AGBL4: variants seen among roughly 807,000 people sequenced by gnomAD.
AGBL4 encodes the protein AGBL carboxypeptidase 4.
A neutral mutation model predicts 66.4 loss-of-function variants in AGBL4; 58 were observed. That is an observed-to-expected ratio of 0.87 (90% CI 0.71 to 1.09). The LOEUF is 1.09. Ranked by LOEUF, AGBL4 falls within the 50% of genes least tolerant of loss-of-function variation. The pLI is 0.00. For synonymous variants in AGBL4, 234 were observed against 222.9 expected (o/e 1.05, Z -0.44); for missense variants, 579 against 631.0 (o/e 0.92, Z 0.88).
intron 1 of AGBL4, among the ~76,000 whole-genome samples, chr1:49,873,468 G>A (rs1646888178): frequency 6.6e-6 from 1 of 151,966 alleles, no homozygotes; most frequent in South Asian, 2.1e-4. Flanking sequence ...AAATTAAGCT[G>A]AAAACCGAGT....
chr1:48,821,372 AG>A (rs1646308589), intron 6 of AGBL4, among the ~76,000 whole-genome samples: 1 of 152,230 alleles, frequency 6.6e-6, no homozygotes, highest in South Asian at 2.1e-4. Flanking sequence ...GGCTGGATAA[AG>A]AAAATGTGGT....
intron 5 of AGBL4, among the ~76,000 whole-genome samples, chr1:48,936,749 T>C (rs1202193035): frequency 1.3e-5 from 2 of 152,220 alleles, no homozygotes; most frequent in Non-Finnish European, 2.9e-5. Flanking sequence ...TCTTTTTCCT[T>C]TATTTATTTC....
intron 3 of AGBL4, among the ~76,000 whole-genome samples, chr1:49,417,530 G>T (rs192426445): frequency 6.6e-6 from 1 of 152,152 alleles, no homozygotes; most frequent in Admixed American, 6.5e-5. Context: ...TGCAAGGGAG[G>T]GCTAAAGTGG....
At chr1:49,086,705 T>G (rs545547758) in intron 4 of AGBL4, among the ~76,000 whole-genome samples, 2 of 151,946 alleles carry the variant, frequency 1.3e-5, no homozygotes, top group African/African-American at 4.8e-5. Context: ...TGTAGCCAGA[T>G]GGGCCACACC....
intron 4 of AGBL4, among the ~76,000 whole-genome samples, chr1:49,225,634 T>C (rs1649854671): frequency 1.3e-5 from 2 of 152,216 alleles, no homozygotes; most frequent in African/African-American, 4.8e-5. Context: ...ATTCTTACAT[T>C]GGCACGGCTC....
At chr1:49,188,961 G>T (rs1407820076) in intron 4 of AGBL4, among the ~76,000 whole-genome samples, 1 of 152,156 alleles carries the variant, frequency 6.6e-6, no homozygotes, top group Non-Finnish European at 1.5e-5. Context: ...TCAACTGGCA[G>T]TTGCTTTCTA....
chr1:48,871,770 T>C (rs1157516584), intron 5 of AGBL4, among the ~76,000 whole-genome samples: 1 of 152,076 alleles, frequency 6.6e-6, no homozygotes, highest in Non-Finnish European at 1.5e-5. Flanking sequence ...TAGTGGATGC[T>C]TGAGGAATTG....
intron 1 of AGBL4, among the ~76,000 whole-genome samples, chr1:49,892,569 C>T (rs1048679678): frequency 6.6e-6 from 1 of 152,028 alleles, no homozygotes; most frequent in African/African-American, 2.4e-5. Flanking sequence ...ATCACTGTAC[C>T]TTCTATGCTT....
intron 3 of AGBL4, among the ~76,000 whole-genome samples, chr1:49,319,970 C>T (rs78728032): frequency 0.025 from 3,784 of 152,198 alleles, 70 homozygotes; most frequent in Non-Finnish European, 0.035. Flanking sequence ...ACTCTGCTGT[C>T]CAGGCTAGAG....
chr1:49,476,827 G>T (rs897028356), intron 3 of AGBL4, among the ~76,000 whole-genome samples: 5 of 152,034 alleles, frequency 3.3e-5, no homozygotes, highest in Non-Finnish European at 5.9e-5. Flanking sequence ...CCTGAGGGTT[G>T]CTCAGTACAC....
At chr1:49,499,668 C>T (rs1012804840) in intron 3 of AGBL4, among the ~76,000 whole-genome samples, 3 of 151,786 alleles carry the variant, frequency 2.0e-5, no homozygotes, top group African/African-American at 7.3e-5. Context: ...CAATTCCATA[C>T]AAGTTGTTGT....
intron 2 of AGBL4, among the ~76,000 whole-genome samples, chr1:49,738,501 G>A (rs1321809474): frequency 6.6e-6 from 1 of 152,220 alleles, no homozygotes; most frequent in East Asian, 1.9e-4. Context: ...CAAACAAAAG[G>A]CAGCAGAAAC....
chr1:48,735,526 GT>G (rs1235804352), intron 6 of AGBL4, among the ~76,000 whole-genome samples: 3 of 138,394 alleles, frequency 2.2e-5, no homozygotes, highest in African/African-American at 9.2e-5. Flanking sequence ...AAGGAAGGAA[GT>G]AAGGAAGGAA....
chr1:49,152,952 G>A (rs1646366060), intron 4 of AGBL4, among the ~76,000 whole-genome samples: 1 of 152,160 alleles, frequency 6.6e-6, no homozygotes. Context: ...ACTGCTCTGA[G>A]TGTCTGCCTC....
chr1:48,687,195 G>A (rs923114951), intron 6 of AGBL4, among the ~76,000 whole-genome samples: 24 of 152,152 alleles, frequency 1.6e-4, no homozygotes, highest in Non-Finnish European at 2.5e-4. Flanking sequence ...GAGAGACAGC[G>A]CCGCAGGCAC....
chr1:49,150,011 TCACATGAGGTCTATAAATATAGA>T (rs1189036980), intron 4 of AGBL4, among the ~76,000 whole-genome samples: 3 of 152,332 alleles, frequency 2.0e-5, no homozygotes, highest in African/African-American at 7.2e-5. Context: ...TTCATGGACC[TCACATGAGGTCTATAAATATAGA>T]CACATGAGGT....
intron 3 of AGBL4, among the ~76,000 whole-genome samples, chr1:49,328,703 C>G (rs1001122994): frequency 2.6e-5 from 4 of 152,192 alleles, no homozygotes; most frequent in African/African-American, 9.6e-5. Context: ...AGTCCATGTG[C>G]TTACCTATCT....
Position 49,209,947 on chromosome 1 carries a change from A to G in AGBL4, c.377+35823T>C, listed in dbSNP as rs548110909. Among the ~76,000 whole-genome samples, 13 of 152,250 alleles carry G rather than the reference A, an allele frequency of 8.5e-5. No individual in the cohort carries two copies. In the South Asian group the frequency reaches 2.1e-3, roughly 24 times the overall value. ...TTGGTATTCCCAGTGTATCACTGCTATATACATCTCCAGGACATAAAATAT... is the reference window on the plus strand; with the variant it reads ...TTGGTATTCCCAGTGTATCACTGCTGTATACATCTCCAGGACATAAAATAT... On this transcript the variant is annotated intron_variant, in intron 4 of 13. Coordinates refer to ENST00000371839, the MANE Select transcript of AGBL4 (RefSeq NM_032785.4).
chr1:49,631,600 A>G (rs557844586), intron 3 of AGBL4, among the ~76,000 whole-genome samples: 70 of 152,292 alleles, frequency 4.6e-4, no homozygotes, highest in African/African-American at 1.2e-3. Context: ...TGTGTCCCAC[A>G]TAAAACCCAG....
Sources: gnomAD v4.1 joint callset for allele counts (sites outside exome capture counted in the v4.1 genomes callset) on GRCh38, gnomAD v4.1.1 for gene constraint, MANE v1.5 for transcripts, NCBI Gene and HGNC (gene_info 2026-07-23, HGNC 2026-07-21) for gene names.